Variants in TRAPPC3 observed in about 807,000 individuals in gnomAD.
TRAPPC3 encodes the protein trafficking protein particle complex subunit 3, also known as trafficking protein particle complex 3.
A neutral mutation model predicts 18.2 loss-of-function variants in TRAPPC3; 5 were observed. That is an observed-to-expected ratio of 0.28 (90% CI 0.14 to 0.58). The LOEUF (loss-of-function observed/expected upper bound fraction) is 0.58, where lower values mean the gene tolerates loss of function less well. Ranked by LOEUF, TRAPPC3 falls within the 20% of genes least tolerant of loss-of-function variation. TRAPPC3 has a pLI of 0.91. For synonymous variants in TRAPPC3, 65 were observed against 84.2 expected, an observed-to-expected ratio of 0.77 and a Z score of 1.25; for missense variants, 176 against 225.9, an observed-to-expected ratio of 0.78 and a Z score of 1.41.
chr1:36,152,662 C>A (rs905525624), upstream of TRAPPC3, among the ~76,000 whole-genome samples: 31 of 150,824 alleles, frequency 2.1e-4, no homozygotes, highest in African/African-American at 7.3e-4. Flanking sequence ...ACTATCTTTT[C>A]TCTCTTTTTT....
chr1:36,140,256 G>T, intron 1 of TRAPPC3, 90 bp from the exon 2 acceptor site: 1 of 775,110 alleles, frequency 1.3e-6, no homozygotes, highest in Non-Finnish European at 2.0e-6. Context: ...CAACTGTCAG[G>T]ATTCCCTCTA....
chr1:36,138,268 T>C (rs1235266252), intron 3 of TRAPPC3: 7 of 1,536,720 alleles, frequency 4.6e-6, no homozygotes, highest in Non-Finnish European at 6.1e-6. Flanking sequence ...ACTCACTCAC[T>C]GTGTGCTTGT....
rs144086760 is a variant in TRAPPC3, at chr1:36,149,373, C to T, written c.6G>A (p.Ser2=). ...TCTCGGTGCCACGGTTCGCCTGCCT[C>T]GACATGGTGCCGGCCGCCCCGCCCC... The part of the protein sequence containing the change: M[S]RQANRGTESK... Residue 2 remains serine, a synonymous_variant, in exon 1 of 5, where the codon TCG becomes TCA. Transcript: ENST00000373166. 2.2e-4 allele frequency: 352 copies of T among 1,613,382 alleles called. 2 individuals carry two copies. The Admixed American group carries it at 5.1e-3, about 24-fold the overall frequency.
At chr1:36,148,130 T>G (rs1644227635) in intron 1 of TRAPPC3, among the ~76,000 whole-genome samples, 1 of 152,212 alleles carries the variant, frequency 6.6e-6, no homozygotes, top group Non-Finnish European at 1.5e-5. Flanking sequence ...AAGGTCCATG[T>G]GTTTCCCCTT....
chr1:36,153,253 C>G (rs1225843803), upstream of TRAPPC3, among the ~76,000 whole-genome samples: 4 of 152,204 alleles, frequency 2.6e-5, no homozygotes, highest in African/African-American at 9.6e-5. Context: ...CAGAGAGAGA[C>G]ACTCTTAACC....
chr1:36,149,454 G>C lies in TRAPPC3; in HGVS notation c.-76C>G, dbSNP rs989268611. On this transcript the variant is annotated 5_prime_UTR_variant, in exon 1 of 5. Coordinates refer to ENST00000373166, the MANE Select transcript of TRAPPC3 (RefSeq NM_014408.5). ...CCCTGCAGACGCCGGAGCCTAAGCC[G>C]CTGCCCCTCAGCCCACAAGACCGAC... 22 of 1,569,732 alleles carry C rather than the reference G, an allele frequency of 1.4e-5. No homozygotes were observed. In the South Asian group the frequency reaches 2.4e-4, roughly 17 times the overall value.
At chr1:36,138,280 C>T (rs1231784370) in intron 3 of TRAPPC3, 2 of 1,534,636 alleles carry the variant, frequency 1.3e-6, no homozygotes, top group East Asian at 4.9e-5. Context: ...TGTGCTTGTA[C>T]TTCTCAGTGG....
At chr1:36,141,555 C>T (rs1051915347) in intron 1 of TRAPPC3, among the ~76,000 whole-genome samples, 9 of 152,172 alleles carry the variant, frequency 5.9e-5, no homozygotes, top group African/African-American at 1.2e-4. Flanking sequence ...TTAAATACTG[C>T]GTTCTACTTG....
chr1:36,146,729 ATTTCTT>A lies in TRAPPC3; in HGVS notation c.42+2602_42+2607del, dbSNP rs567572039. 7.9e-5 allele frequency among the ~76,000 whole-genome samples: 12 copies of A among 152,166 alleles called. 1 individual carries two copies. In the South Asian group the frequency reaches 2.5e-3, roughly 32 times the overall value. ...GGTACTACACCTCTGTATGGCAAAC[ATTTCTT>A]TTTATTTTTCCACTGCTAGAAGATA... On this transcript the variant is annotated intron_variant, in intron 1 of 4. Coordinates refer to ENST00000373166, the MANE Select transcript of TRAPPC3 (RefSeq NM_014408.5).
chr1:36,141,283 T>C (rs1644104210), intron 1 of TRAPPC3, among the ~76,000 whole-genome samples: 1 of 152,106 alleles, frequency 6.6e-6, no homozygotes. Context: ...AGGGTTAAAG[T>C]GAGAAACATA....
intron 2 of TRAPPC3, 35 bp from the exon 3 acceptor site, chr1:36,139,854 G>A (rs1400792056): frequency 6.2e-6 from 10 of 1,611,626 alleles, no homozygotes; most frequent in Admixed American, 3.4e-5. Context: ...CTATGATGGA[G>A]TCTAAATGTC....
intron 1 of TRAPPC3, among the ~76,000 whole-genome samples, chr1:36,154,733 T>C (rs1172432236): frequency 6.6e-6 from 1 of 152,226 alleles, no homozygotes; most frequent in Non-Finnish European, 1.5e-5. Context: ...CCTTATTTAA[T>C]CTTTACAAAG....
intron 1 of TRAPPC3, among the ~76,000 whole-genome samples, chr1:36,147,444 C>T (rs552384929): frequency 4.1e-4 from 62 of 150,274 alleles, no homozygotes; most frequent in South Asian, 3.6e-3. Context: ...GACCTCGAGA[C>T]CAACCTGGGC....
chr1:36,137,346 G>C (rs529091735), intron 4 of TRAPPC3, 24 bp from the exon 5 acceptor site: 22 of 1,598,654 alleles, frequency 1.4e-5, no homozygotes, highest in Admixed American at 3.3e-5. Flanking sequence ...GGAAAACGAA[G>C]GGGTAGCTGC....
chr1:36,138,243 T>G (rs1328929642), intron 3 of TRAPPC3: 2 of 1,540,446 alleles, frequency 1.3e-6, no homozygotes, highest in Non-Finnish European at 8.7e-7. Context: ...CTAGGCATCA[T>G]ACAAGTAAGC....
chr1:36,147,477 T>C (rs1423566448), intron 1 of TRAPPC3, among the ~76,000 whole-genome samples: 1 of 67,178 alleles, frequency 1.5e-5, no homozygotes, highest in African/African-American at 5.6e-5. Context: ...CCCCTAGCTC[T>C]ACAAAAAAAA....
At chr1:36,147,439 C>T (rs750695571) in intron 1 of TRAPPC3, among the ~76,000 whole-genome samples, 1 of 149,194 alleles carries the variant, frequency 6.7e-6, no homozygotes, top group Admixed American at 6.7e-5. Context: ...TTCGAGACCT[C>T]GAGACCAACC....
intron 3 of TRAPPC3, 25 bp from the exon 4 acceptor site, chr1:36,138,003 T>G: frequency 6.2e-7 from 1 of 1,611,612 alleles, no homozygotes; most frequent in African/African-American, 1.3e-5. Context: ...ACAACAGCAC[T>G]TTGGGGAAGA....
chr1:36,152,988 T>C (rs1391862847), upstream of TRAPPC3, among the ~76,000 whole-genome samples: 2 of 152,134 alleles, frequency 1.3e-5, no homozygotes, highest in Non-Finnish European at 2.9e-5. Context: ...TCTGTGGGCT[T>C]CCCCCAGCCC....
Sources: gnomAD v4.1 joint callset for allele counts (sites outside exome capture counted in the v4.1 genomes callset) on GRCh38, gnomAD v4.1.1 for gene constraint, MANE v1.5 for transcripts, NCBI Gene and HGNC (gene_info 2026-07-23, HGNC 2026-07-21) for gene names.